The following GHRHR variants were observed in gnomAD, a reference collection of about 807,000 sequenced individuals.
GHRHR encodes growth hormone releasing hormone receptor.
In GHRHR, 40 loss-of-function variants were observed where a neutral mutation model predicts 58.3. The observed-to-expected ratio is 0.69, with a 90% CI of 0.53 to 0.89. GHRHR has a LOEUF of 0.89. GHRHR is among the 40% of genes least tolerant of loss of function. The pLI is 0.00. For missense variants in GHRHR, 551 were observed against 541.3 expected (o/e 1.02, Z -0.18); for synonymous variants, 249 against 216.6 (o/e 1.15, Z -1.31).
Position 30,974,485 on chromosome 7 carries a change from A to T in GHRHR, c.808A>T (p.Ile270Phe), listed in dbSNP as rs1792538367. Residue 270 changes from isoleucine to phenylalanine, a missense_variant, in exon 8 of 13, where the codon ATC becomes TTC. Physicochemically the swap from Ile to Phe is conservative, Grantham distance 21. Transcript: ENST00000326139. The stretch of plus-strand genomic sequence containing the variant: ...GAGCTGCAAACTGGCCTTCGAGGAC[A>T]TCGCGTGAGTCGGAGCGGCCACCTT... ...WVSCKLAFEDIACWDLDDTSP... is the reference protein window; with the variant it reads ...WVSCKLAFEDFACWDLDDTSP... The T allele has an allele frequency of 6.2e-7, 1 of 1,610,560 alleles. No homozygotes were observed. The highest frequency in any genetic ancestry group is 8.5e-7 in the Non-Finnish European group (1 of 1,176,854).
rs4988500 is a variant in GHRHR, at chr7:30,970,004, G to T, written c.366+40G>T. 6.7e-4 allele frequency: 583 copies of T among 866,516 alleles called. 7 individuals carry two copies. In the East Asian group the frequency reaches 0.014, roughly 21 times the overall value. The allele number at this position is 866,516 out of a possible 1,614,324, so 53.7% of individuals were successfully genotyped here. On this transcript the variant is annotated intron_variant, in intron 4 of 12. Coordinates refer to ENST00000326139, the MANE Select transcript of GHRHR (RefSeq NM_000823.4). ...GCATCTTGGAGGAAGGACTGCCATG[G>T]ACATTTGTATGGGTGGGTGCACAAC...
intron 9 of GHRHR, 152 bp from the exon 10 acceptor site, chr7:30,975,625 C>T: frequency 3.0e-6 from 2 of 668,278 alleles, no homozygotes; most frequent in Non-Finnish European, 2.8e-6. Context: ...GCTACCAGTT[C>T]TGGAGCAATG....
chr7:30,977,685 G>A (rs551818025), intron 12 of GHRHR, among the ~76,000 whole-genome samples: 1 of 152,262 alleles, frequency 6.6e-6, no homozygotes, highest in South Asian at 2.1e-4. Flanking sequence ...CGCCAGCTGA[G>A]GGAGAGACAA....
intron 9 of GHRHR, 112 bp from the exon 10 acceptor site, chr7:30,975,665 C>T: frequency 1.4e-6 from 1 of 725,520 alleles, no homozygotes; most frequent in Non-Finnish European, 2.6e-6. Flanking sequence ...TGCACATTCT[C>T]ACGTCTCAAG....
chr7:30,972,985 T>C (rs1349166951), intron 6 of GHRHR, among the ~76,000 whole-genome samples: 1 of 152,214 alleles, frequency 6.6e-6, no homozygotes, highest in African/African-American at 2.4e-5. Flanking sequence ...AGAATTCAAG[T>C]ATAACTTTTG....
chr7:30,974,265 G>A, intron 7 of GHRHR, 127 bp downstream of exon 7: 1 of 1,216,194 alleles, frequency 8.2e-7, no homozygotes, highest in Non-Finnish European at 1.2e-6. Context: ...CCACAGTCCG[G>A]CAGCAAGTGT....
In GHRHR at chr7:30,976,383, G is replaced by A. The variant is rs527722860; in HGVS notation, c.975-46G>A. ...GAGAGGAGATGAAGTGCACACGACAGTTTCTAATCCCAGTCTTGGGAGCCT... is the reference window on the plus strand; with the variant it reads ...GAGAGGAGATGAAGTGCACACGACAATTTCTAATCCCAGTCTTGGGAGCCT... On this transcript the variant is annotated intron_variant, in intron 10 of 12. Coordinates refer to ENST00000326139, the MANE Select transcript of GHRHR (RefSeq NM_000823.4). The A allele has an allele frequency of 7.7e-5, 123 of 1,595,736 alleles. 1 individual carries two copies. The highest frequency in any genetic ancestry group is 1.3e-4 in the Admixed American group (8 of 59,954).
At chr7:30,965,352 T>C (rs1318968105) in intron 1 of GHRHR, among the ~76,000 whole-genome samples, 1 of 152,154 alleles carries the variant, frequency 6.6e-6, no homozygotes, top group African/African-American at 2.4e-5. Context: ...GCAGCAGGCA[T>C]AGATGCAAGG....
In GHRHR at chr7:30,976,559, G is replaced by C. The variant is rs1452619474; in HGVS notation, c.1104+1G>C. 6.2e-7 allele frequency: 1 copy of C among 1,613,026 alleles called. No homozygotes were observed. The highest frequency in any genetic ancestry group is 1.7e-5 in the Admixed American group (1 of 59,926). On this transcript the variant is annotated splice_donor_variant, in intron 11 of 12. Transcript: ENST00000326139. LOFTEE classifies it high-confidence loss of function. ...GGAGCTGGGACTGGGTTCCTTCCAGGTGAGGGCCCCCACAGGCACTCTTTC... is the reference window on the plus strand; with the variant it reads ...GGAGCTGGGACTGGGTTCCTTCCAGCTGAGGGCCCCCACAGGCACTCTTTC...
In GHRHR at chr7:30,974,425, G is replaced by A; in HGVS notation, c.752-4G>A. ...TCGCTTGTGTCTTCCCTGTACTCCT[G>A]TAGGGCTGCCCGTGCTCTTCACTGG... On this transcript the variant is annotated splice_region_variant and splice_polypyrimidine_tract_variant and intron_variant, in intron 7 of 12. Transcript: ENST00000326139. 1.2e-6 allele frequency: 2 copies of A among 1,607,930 alleles called. No homozygotes were observed. The highest frequency in any genetic ancestry group is 1.7e-6 in the Non-Finnish European group (2 of 1,174,350).
In GHRHR at chr7:30,979,181, G is replaced by A; in HGVS notation, c.1209G>A (p.Arg403=). The part of the protein sequence containing the change: ...GHDPELLPAW[R]TRAKWTTPSR... Reference sequence around the variant, plus strand: ...ACCCTGAGCTTCTGCCAGCCTGGAGGACCCGTGCTAAGTGGACCACGCCTT... The same window carrying A: ...ACCCTGAGCTTCTGCCAGCCTGGAGAACCCGTGCTAAGTGGACCACGCCTT... Residue 403 remains arginine, a synonymous_variant, in exon 13 of 13, where the codon AGG becomes AGA. Transcript: ENST00000326139. The A allele has an allele frequency of 6.2e-7, 1 of 1,613,680 alleles. No homozygotes were observed. The highest frequency in any genetic ancestry group is 8.5e-7 in the Non-Finnish European group (1 of 1,179,558).
intron 1 of GHRHR, among the ~76,000 whole-genome samples, chr7:30,967,083 T>G (rs753089184): frequency 2.0e-5 from 3 of 152,228 alleles, no homozygotes; most frequent in Non-Finnish European, 4.4e-5. Flanking sequence ...TATACAAAAA[T>G]GTGTATGCTG....
intron 1 of GHRHR, among the ~76,000 whole-genome samples, chr7:30,967,095 A>T (rs1015272926): frequency 6.6e-6 from 1 of 152,242 alleles, no homozygotes; most frequent in African/African-American, 2.4e-5. Context: ...TGTATGCTGT[A>T]TACCCAGTTC....
At position 30,974,969 on chromosome 7, in the gene GHRHR, A is replaced by C; in HGVS notation, c.813-2A>C. 1 of 1,606,346 alleles carries C rather than the reference A, an allele frequency of 6.2e-7. No homozygotes were observed. The highest frequency in any genetic ancestry group is 8.5e-7 in the Non-Finnish European group (1 of 1,172,888). Reference sequence around the variant, plus strand: ...CAACGGCCTTCTTTCCTCTCTCCCCAGGTGCTGGGACCTGGACGACACCTC... The same window carrying C: ...CAACGGCCTTCTTTCCTCTCTCCCCCGGTGCTGGGACCTGGACGACACCTC... On this transcript the variant is annotated splice_acceptor_variant, in intron 8 of 12. Transcript: ENST00000326139. LOFTEE classifies it high-confidence loss of function.
rs745733075 is a variant in GHRHR at position 30,969,018 on chromosome 7, C to T, written c.161-45C>T. Reference sequence around the variant, plus strand: ...TCACCCCTCGGATTATTGGGACAGCCCTGCACCTGGGCTGAGTCTCTGCTG... The same window carrying T: ...TCACCCCTCGGATTATTGGGACAGCTCTGCACCTGGGCTGAGTCTCTGCTG... On this transcript the variant is annotated intron_variant, in intron 2 of 12. Transcript: ENST00000326139. 7 of 1,545,584 alleles carry T rather than the reference C, an allele frequency of 4.5e-6. No homozygotes were observed. The African/African-American group carries it at 8.2e-5, about 18-fold the overall frequency.
rs1792530664 is a variant in GHRHR at position 30,974,122 on chromosome 7, G to T, written c.735G>T (p.Leu245=). ...SPSSRRAFWW[L]VLAGWGLPVL... ...GCTCAAGGAGAGCCTTCTGGTGGCT[G>T]GTTCTCGCTGGCTGGGGTGAGCACT... Residue 245 remains leucine (L), a synonymous_variant, in exon 7 of 13, where the codon CTG becomes CTT. Transcript: ENST00000326139. The T allele has an allele frequency of 6.2e-7, 1 of 1,614,012 alleles. No individual in the cohort carries two copies. Among genetic ancestry groups the T allele is most frequent in the Non-Finnish European group, 8.5e-7 (1 of 1,180,026 alleles).
In GHRHR at chr7:30,979,202, G is replaced by C; in HGVS notation, c.1230G>C (p.Thr410=). The C allele has an allele frequency of 6.2e-7, 1 of 1,613,976 alleles. No individual in the cohort carries two copies. Among genetic ancestry groups the C allele is most frequent in the African/African-American group, 1.3e-5 (1 of 75,058 alleles). The change falls in exon 13 of 13, where the codon ACG becomes ACC. Residue 410 remains threonine (T), a synonymous_variant. Coordinates refer to ENST00000326139, the MANE Select transcript of GHRHR (RefSeq NM_000823.4). ...GGAGGACCCGTGCTAAGTGGACCAC[G>C]CCTTCCCGCTCGGCGGCAAAGGTGC... ...PAWRTRAKWT[T]PSRSAAKVLT...
intron 12 of GHRHR, among the ~76,000 whole-genome samples, chr7:30,978,711 C>G (rs1792633293): frequency 6.6e-6 from 1 of 152,170 alleles, no homozygotes; most frequent in South Asian, 2.1e-4. Context: ...GTTCTGAATC[C>G]TCTCTCCCTT....
intron 1 of GHRHR, among the ~76,000 whole-genome samples, chr7:30,964,481 G>C (rs1008991831): frequency 1.3e-5 from 2 of 152,186 alleles, no homozygotes; most frequent in Admixed American, 6.5e-5. Context: ...GCAAAGTCAG[G>C]CTCCCCTCTT....
Sources: gnomAD v4.1 joint callset for allele counts (sites outside exome capture counted in the v4.1 genomes callset) on GRCh38, gnomAD v4.1.1 for gene constraint, MANE v1.5 for transcripts, NCBI Gene and HGNC (gene_info 2026-07-23, HGNC 2026-07-21) for gene names.